The following OXR1 variants were observed in gnomAD, a reference collection of about 807,000 sequenced individuals.
OXR1 encodes the protein oxidation resistance 1, also known as oxidation resistance protein 1.
OXR1 carries 41 observed loss-of-function variants against 104.6 expected under a neutral mutation model. The observed-to-expected ratio is 0.39, with a 90% CI of 0.31 to 0.51. OXR1 has a LOEUF of 0.51. OXR1 is among the 20% of genes least tolerant of loss of function. The pLI, the probability that OXR1 is intolerant of heterozygous loss-of-function variation, is 0.77. For synonymous variants in OXR1, 348 were observed against 348.4 expected, an observed-to-expected ratio of 1.00 and a Z score of 0.01; for missense variants, 955 against 1,031.9, an observed-to-expected ratio of 0.93 and a Z score of 1.02.
chr8:106,332,837 T>G (rs143376411), intron 1 of OXR1, among the ~76,000 whole-genome samples: 5 of 152,276 alleles, frequency 3.3e-5, no homozygotes, highest in African/African-American at 4.8e-5. Context: ...TGGATTTGCT[T>G]ATCCTATCTC....
intron 2 of OXR1, among the ~76,000 whole-genome samples, chr8:106,399,856 C>G (rs939537050): frequency 1.3e-5 from 2 of 152,062 alleles, no homozygotes; most frequent in African/African-American, 2.4e-5. Context: ...GCTTCTTACC[C>G]CTGAGTTTTG....
chr8:106,746,578 G>A (rs988802456), intron 16 of OXR1, among the ~76,000 whole-genome samples: 1 of 152,148 alleles, frequency 6.6e-6, no homozygotes, highest in Admixed American at 6.6e-5. Flanking sequence ...TCCCACAGTT[G>A]AGGATATATA....
chr8:106,306,377 G>A (rs537955721), intron 1 of OXR1, among the ~76,000 whole-genome samples: 1 of 152,152 alleles, frequency 6.6e-6, no homozygotes, highest in South Asian at 2.1e-4. Flanking sequence ...CACTTAACCT[G>A]TGACTAGAAA....
At chr8:106,551,445 A>G (rs1815797878) in intron 3 of OXR1, among the ~76,000 whole-genome samples, 1 of 152,178 alleles carries the variant, frequency 6.6e-6, no homozygotes, top group Non-Finnish European at 1.5e-5. Context: ...ACTTTAGTAT[A>G]TGGTTCACTT....
At chr8:106,575,882 C>T (rs909988055) in intron 3 of OXR1, among the ~76,000 whole-genome samples, 6 of 151,566 alleles carry the variant, frequency 4.0e-5, no homozygotes, top group East Asian at 1.9e-4. Context: ...TTTTCAAATA[C>T]GTGGCAGATT....
chr8:106,301,396 CTCAG>C (rs944713736), intron 1 of OXR1, among the ~76,000 whole-genome samples: 16 of 152,056 alleles, frequency 1.1e-4, no homozygotes, highest in Admixed American at 3.3e-4. Context: ...GATTTCAATA[CTCAG>C]TCAGTAGGAA....
chr8:106,333,271 T>C (rs1453555999), intron 1 of OXR1, among the ~76,000 whole-genome samples: 3 of 152,120 alleles, frequency 2.0e-5, no homozygotes, highest in African/African-American at 7.2e-5. Context: ...TATATGGAGA[T>C]TCAAGTTTCT....
At chr8:106,479,414 T>C (rs915079073) in intron 2 of OXR1, among the ~76,000 whole-genome samples, 2 of 152,030 alleles carry the variant, frequency 1.3e-5, no homozygotes, top group African/African-American at 4.8e-5. Context: ...TAAGTCTTTA[T>C]TGCCTTCTGT....
chr8:106,356,524 A>G (rs1019735933), intron 1 of OXR1, among the ~76,000 whole-genome samples: 1 of 152,102 alleles, frequency 6.6e-6, no homozygotes. Flanking sequence ...CTAAGATTCT[A>G]GGATCCAGTT....
intron 3 of OXR1, among the ~76,000 whole-genome samples, chr8:106,592,190 C>T (rs764688952): frequency 3.9e-5 from 6 of 152,034 alleles, no homozygotes; most frequent in Admixed American, 1.3e-4. Flanking sequence ...TGTGTGCCTA[C>T]GTAGAAGTAC....
chr8:106,579,953 C>T (rs904247510), intron 3 of OXR1, among the ~76,000 whole-genome samples: 4 of 151,990 alleles, frequency 2.6e-5, no homozygotes, highest in Admixed American at 6.5e-5. Flanking sequence ...ACACACTTCC[C>T]GCCAGCTGCA....
At chr8:106,545,621 C>T (rs1460995309) in intron 3 of OXR1, among the ~76,000 whole-genome samples, 2 of 152,146 alleles carry the variant, frequency 1.3e-5, no homozygotes, top group East Asian at 3.9e-4. Flanking sequence ...TAAAGTATAT[C>T]TGACTAGACA....
At chr8:106,296,548 A>G (rs552014446) in intron 1 of OXR1, among the ~76,000 whole-genome samples, 1 of 152,064 alleles carries the variant, frequency 6.6e-6, no homozygotes, top group Admixed American at 6.6e-5. Flanking sequence ...CACCTTCCTC[A>G]TTTCTTAGCA....
chr8:106,439,284 G>A (rs73309217), intron 2 of OXR1, among the ~76,000 whole-genome samples: 4,408 of 151,940 alleles, frequency 0.029, 221 homozygotes, highest in African/African-American at 0.1. Context: ...GAGCTTTCTC[G>A]CTACCATGTG....
chr8:106,366,784 A>G (rs190144969), intron 2 of OXR1, among the ~76,000 whole-genome samples: 3 of 152,188 alleles, frequency 2.0e-5, no homozygotes, highest in African/African-American at 7.2e-5. Context: ...TCTTCCTGTT[A>G]AGTGGAAATG....
At chr8:106,491,481 A>G (rs1336300254) in intron 2 of OXR1, among the ~76,000 whole-genome samples, 2 of 152,216 alleles carry the variant, frequency 1.3e-5, no homozygotes, top group African/African-American at 4.8e-5. Flanking sequence ...CTTTTAACCA[A>G]TACATACCAT....
chr8:106,386,953 G>A (rs1817396377), intron 2 of OXR1, among the ~76,000 whole-genome samples: 1 of 152,122 alleles, frequency 6.6e-6, no homozygotes, highest in African/African-American at 2.4e-5. Context: ...TTGGAGGTGG[G>A]AATGAAACAG....
intron 2 of OXR1, among the ~76,000 whole-genome samples, chr8:106,512,606 C>A (rs1285937112): frequency 1.3e-5 from 2 of 152,104 alleles, no homozygotes; most frequent in Non-Finnish European, 2.9e-5. Flanking sequence ...TCAGTCATAT[C>A]ATGATGTAGT....
chr8:106,738,904 A>T (rs949274242), intron 12 of OXR1, among the ~76,000 whole-genome samples: 32 of 152,170 alleles, frequency 2.1e-4, no homozygotes, highest in African/African-American at 5.8e-4. Flanking sequence ...GAAAGCATTT[A>T]AAAAAATGGT....
Sources: allele counts gnomAD v4.1 joint callset (sites outside exome capture counted in the v4.1 genomes callset), GRCh38; gene constraint gnomAD v4.1.1; transcripts MANE v1.5; gene names NCBI Gene and HGNC (gene_info 2026-07-23, HGNC 2026-07-21).